Variants in THUMPD1 observed in about 807,000 individuals in gnomAD.
The protein encoded by THUMPD1 is THUMP domain 1 NAT10 acetyltransferase adaptor.
Under a neutral mutation model 31.6 loss-of-function variants are expected in THUMPD1, and 31 were observed. The ratio of observed to expected loss-of-function variants is 0.98; its 90% CI spans 0.74 to 1.32. The LOEUF (loss-of-function observed/expected upper bound fraction) is 1.32, where lower values mean the gene tolerates loss of function less well. Among genes scored for constraint, THUMPD1 ranks in the 40% most tolerant of loss-of-function variants. The probability of loss-of-function intolerance (pLI) is 0.00; values close to 1 mark genes in which losing one functional copy is unlikely to be tolerated. For missense variants in THUMPD1, 446 were observed against 427.8 expected (o/e 1.04, Z -0.38); for synonymous variants, 166 against 158.2 (o/e 1.05, Z -0.37).
intron 1 of THUMPD1, 27 bp downstream of exon 1, chr16:20,741,482 C>CCCCCCCCCCCCCCCG: frequency 6.2e-6 from 1 of 160,352 alleles, no homozygotes. Flanking sequence ...TGGCAGCCGG[C>CCCCCCCCCCCCCCCG]CCGCCCGCCC....
At chr16:20,740,004 C>A (rs867310252) in intron 1 of THUMPD1, among the ~76,000 whole-genome samples, 1 of 152,142 alleles carries the variant, frequency 6.6e-6, no homozygotes, top group African/African-American at 2.4e-5. Flanking sequence ...GTGCCTCACA[C>A]GACACTGTCC....
chr16:20,739,462 T>A (rs2152420038), intron 1 of THUMPD1, among the ~76,000 whole-genome samples: 1 of 152,160 alleles, frequency 6.6e-6, no homozygotes, highest in Non-Finnish European at 1.5e-5. Context: ...TGAGCTACCA[T>A]GCCCAGCTGA....
chr16:20,741,481 G>GGGGGGGGGGGGGCGCC, intron 1 of THUMPD1, 28 bp downstream of exon 1: 4 of 1,308,410 alleles, frequency 3.1e-6, no homozygotes, highest in Non-Finnish European at 4.0e-6. Context: ...CTGGCAGCCG[G>GGGGGGGGGGGGGCGCC]CCCGCCCGCC....
chr16:20,738,215 T>C (rs1162216838), intron 2 of THUMPD1: 1 of 518,512 alleles, frequency 1.9e-6, no homozygotes, highest in Non-Finnish European at 3.7e-6. Flanking sequence ...ACACCGTTGT[T>C]AACATTTTTG....
rs768847117 is a variant in THUMPD1 at position 20,737,101 on chromosome 16, G to A, written c.841C>T (p.Gln281Ter). The change falls in exon 4 of 4, where the codon CAG becomes TAG. Residue 281 changes from glutamine (Q) to a stop codon, truncating the protein, a stop_gained. Coordinates refer to ENST00000396083, the MANE Select transcript of THUMPD1 (RefSeq NM_017736.5). LOFTEE classifies it high-confidence loss of function. ...PKDPSQLNSK[Q>*]GNGKEAKLES... ...AGTTTAGCTTCTTTCCCATTTCCCT[G>A]CTTTGAGTTAAGCTGTGACGGATCC... The A allele has an allele frequency of 1.9e-6, 3 of 1,613,994 alleles. No individual in the cohort carries two copies. The highest frequency in any genetic ancestry group is 3.3e-5 in the Admixed American group (2 of 60,000).
chr16:20,741,480 G>GGGGGGGGGGGGGGGGGC, intron 1 of THUMPD1, 29 bp downstream of exon 1: 1 of 1,340,424 alleles, frequency 7.5e-7, no homozygotes, highest in Non-Finnish European at 9.7e-7. Flanking sequence ...CCTGGCAGCC[G>GGGGGGGGGGGGGGGGGC]GCCCGCCCGC....
Position 20,735,083 on chromosome 16 carries a change from T to G in THUMPD1, c.*1797A>C, listed in dbSNP as rs1489977834. 4 of 152,246 alleles carry G rather than the reference T, an allele frequency of 2.6e-5. No individual in the cohort carries two copies. The highest frequency in any genetic ancestry group is 5.9e-5 in the Non-Finnish European group (4 of 68,042). 9.4% of individuals were successfully genotyped at this position (152,246 alleles called of 1,614,324 possible). ...CCTCTGGCAAGGTGGCAAGTCAGTT[T>G]CCTTTTAGATCTAAGAGTCTTGTCG... On this transcript the variant is annotated 3_prime_UTR_variant, in exon 4 of 4. Transcript: ENST00000396083.
In THUMPD1 at chr16:20,739,029, C is replaced by T. The variant is rs1486658306; in HGVS notation, c.274G>A (p.Asp92Asn). The change falls in exon 2 of 4, where the codon GAT (aspartate) becomes AAT (asparagine). Residue 92 changes from aspartate (D) to asparagine (N), a missense_variant. Physicochemically the swap from Asp to Asn is conservative, Grantham distance 23 (BLOSUM62 1). Transcript: ENST00000396083. ...DQQPSGSEGE[D>N]DDAEAALKKE... The stretch of plus-strand genomic sequence containing the variant: ...TTCAAGGCAGCCTCCGCATCATCAT[C>T]CTCTCCCTCACTTCCAGAGGGCTGC... The T allele has an allele frequency of 1.2e-6, 2 of 1,614,188 alleles. No homozygotes were observed. Among genetic ancestry groups the T allele is most frequent in the East Asian group, 2.2e-5 (1 of 44,888 alleles).
chr16:20,739,321 G>A (rs929674588), intron 1 of THUMPD1, among the ~76,000 whole-genome samples: 2 of 151,790 alleles, frequency 1.3e-5, no homozygotes, highest in Admixed American at 6.6e-5. Flanking sequence ...GATTACAGGC[G>A]CATGCCACTA....
chr16:20,741,452 T>C, intron 1 of THUMPD1, 57 bp downstream of exon 1: 1 of 1,472,866 alleles, frequency 6.8e-7, no homozygotes, highest in Non-Finnish European at 9.0e-7. Flanking sequence ...CCCTCCACCC[T>C]TCCCTCCTCC....
rs1458256009 is a variant in THUMPD1, at chr16:20,736,873, T to A, written c.*7A>T. On this transcript the variant is annotated 3_prime_UTR_variant, in exon 4 of 4. Coordinates refer to ENST00000396083, the MANE Select transcript of THUMPD1 (RefSeq NM_017736.5). ...TGAGAAACCCACCTCCAACACCAAA[T>A]GACTTCCTATGAGAAGTCATTTTCA... 2 of 1,611,832 alleles carry A rather than the reference T, an allele frequency of 1.2e-6. No individual in the cohort carries two copies. The highest frequency in any genetic ancestry group is 1.7e-6 in the Non-Finnish European group (2 of 1,178,332).
In THUMPD1 at chr16:20,741,778, G is replaced by A. The variant is rs1201128727; in HGVS notation, c.-39C>T. 5.8e-6 allele frequency: 9 copies of A among 1,549,508 alleles called. No individual in the cohort carries two copies. The highest frequency in any genetic ancestry group is 1.4e-5 in the African/African-American group (1 of 73,174). Reference sequence around the variant, plus strand: ...TGAGAGGAAAGAGAAACGTTTCTCCGCTGCTGTTGGCGTCCTCGTCTATCG... The same window carrying A: ...TGAGAGGAAAGAGAAACGTTTCTCCACTGCTGTTGGCGTCCTCGTCTATCG... On this transcript the variant is annotated 5_prime_UTR_variant, in exon 1 of 4. Coordinates refer to ENST00000396083, the MANE Select transcript of THUMPD1 (RefSeq NM_017736.5).
rs952742689 is a variant in THUMPD1 at position 20,738,150 on chromosome 16, T to C, written c.407-194A>G. On this transcript the variant is annotated intron_variant, in intron 2 of 3. Coordinates refer to ENST00000396083, the MANE Select transcript of THUMPD1 (RefSeq NM_017736.5). ...AATACGTACTATAATGTATCTAATATATTTTAACTTTTCATCATTATTACT... is the reference window on the plus strand; with the variant it reads ...AATACGTACTATAATGTATCTAATACATTTTAACTTTTCATCATTATTACT... 19 of 673,212 alleles carry C rather than the reference T, an allele frequency of 2.8e-5. No homozygotes were observed. In the African/African-American group the frequency reaches 3.4e-4, roughly 12 times the overall value. The allele number at this position is 673,212 out of a possible 1,614,324, so 41.7% of individuals were successfully genotyped here.
chr16:20,739,178 T>C, intron 1 of THUMPD1, 107 bp from the exon 2 acceptor site: 1 of 410,420 alleles, frequency 2.4e-6, no homozygotes, highest in Admixed American at 9.6e-5. Context: ...CAGTATTGAT[T>C]TTTTTTTTTT....
At chr16:20,741,481 G>GGGGGGGGGGGGGGCCGCCCCCCCCCCCC in intron 1 of THUMPD1, 28 bp downstream of exon 1, 1 of 1,308,414 alleles carries the variant, frequency 7.6e-7, no homozygotes, top group Non-Finnish European at 9.9e-7. Flanking sequence ...CTGGCAGCCG[G>GGGGGGGGGGGGGGCCGCCCCCCCCCCCC]CCCGCCCGCC....
chr16:20,741,615 C>T lies in THUMPD1; in HGVS notation c.125G>A (p.Gly42Glu). 6.4e-7 allele frequency: 1 copy of T among 1,573,744 alleles called. No individual in the cohort carries two copies. The highest frequency in any genetic ancestry group is 8.6e-7 in the Non-Finnish European group (1 of 1,159,500). Reference protein sequence around the residue: ...DAGGPRQLEPGLQGILITCNM... With the variant: ...DAGGPRQLEPELQGILITCNM... Reference sequence around the variant, plus strand: ...GCAGGTGATGAGGATGCCCTGTAGCCCGGGCTCTAGCTGACGGGGCCCGCC... The same window carrying T: ...GCAGGTGATGAGGATGCCCTGTAGCTCGGGCTCTAGCTGACGGGGCCCGCC... Residue 42 changes from glycine to glutamate, a missense_variant, in exon 1 of 4, where the codon GGG becomes GAG. Coordinates refer to ENST00000396083, the MANE Select transcript of THUMPD1 (RefSeq NM_017736.5).
chr16:20,738,307 T>C (rs1286789778), intron 2 of THUMPD1: 5 of 397,796 alleles, frequency 1.3e-5, no homozygotes, highest in Non-Finnish European at 2.4e-5. Context: ...ACACACTTTT[T>C]TACAAAAAAA....
intron 2 of THUMPD1, among the ~76,000 whole-genome samples, chr16:20,738,490 T>A (rs1567331067): frequency 1.3e-5 from 2 of 152,162 alleles, no homozygotes; most frequent in Non-Finnish European, 2.9e-5. Context: ...TATTTGGGGC[T>A]GCTCCGAAAA....
chr16:20,738,311 A>C (rs765291721), intron 2 of THUMPD1: 2 of 171,982 alleles, frequency 1.2e-5, no homozygotes, highest in South Asian at 7.7e-5. Flanking sequence ...ACTTTTTTAC[A>C]AAAAAAAAAA....
Sources: gnomAD v4.1 joint callset for allele counts (sites outside exome capture counted in the v4.1 genomes callset) on GRCh38, gnomAD v4.1.1 for gene constraint, MANE v1.5 for transcripts, NCBI Gene and HGNC (gene_info 2026-07-23, HGNC 2026-07-21) for gene names.